Variants in SH3TC2 observed in about 807,000 individuals in gnomAD.
The protein encoded by SH3TC2 is SH3 domain and tetratricopeptide repeat-containing protein 2.
SH3TC2 carries 87 observed loss-of-function variants against 124.5 expected under a neutral mutation model. The ratio of observed to expected loss-of-function variants is 0.70; its 90% CI spans 0.59 to 0.84. The LOEUF is 0.84. SH3TC2 is among the 40% of genes least tolerant of loss of function. The probability of loss-of-function intolerance (pLI) is 0.00; values close to 1 mark genes in which losing one functional copy is unlikely to be tolerated. For missense variants in SH3TC2, 1,536 were observed against 1,566.4 expected (o/e 0.98, Z 0.33); for synonymous variants, 634 against 628.5 (o/e 1.01, Z -0.13).
At chr5:149,007,128 A>G (rs535370667) in intron 15 of SH3TC2, 51 bp from the exon 16 acceptor site, 25 of 1,563,826 alleles carry the variant, frequency 1.6e-5, no homozygotes, top group Admixed American at 1.3e-4. Context: ...ACTTTGCATC[A>G]TTTGTTCACT....
intron 8 of SH3TC2, among the ~76,000 whole-genome samples, chr5:149,032,090 A>T (rs1445423714): frequency 6.6e-6 from 1 of 152,218 alleles, no homozygotes; most frequent in Non-Finnish European, 1.5e-5. Context: ...ACCATTAAAA[A>T]TTTTATTTGT....
intron 8 of SH3TC2, among the ~76,000 whole-genome samples, chr5:149,036,687 T>C (rs1297978742): frequency 1.3e-5 from 2 of 152,134 alleles, no homozygotes; most frequent in Non-Finnish European, 2.9e-5. Flanking sequence ...TGTGGTAACA[T>C]GAAGGGGTGG....
rs778462757 is a variant in SH3TC2 at position 149,007,011 on chromosome 5, T to A, written c.3545A>T (p.Tyr1182Phe). The part of the protein sequence containing the change: ...LATVYYSLHM[Y>F]EMAEDCYLKT... The stretch of plus-strand genomic sequence containing the variant: ...CAGGTAGCAGTCCTCAGCCATCTCA[T>A]ACATGTGCAGGGAGTAGTACACTGT... The change falls in exon 16 of 17, where the codon TAT becomes TTT. Residue 1182 changes from tyrosine (Y) to phenylalanine (F), a missense_variant. Tyr to Phe is a conservative substitution (Grantham distance 22). Coordinates refer to ENST00000515425, the MANE Select transcript of SH3TC2 (RefSeq NM_024577.4). 1 of 1,614,198 alleles carries A rather than the reference T, an allele frequency of 6.2e-7. No homozygotes were observed. Among genetic ancestry groups the A allele is most frequent in the South Asian group, 1.1e-5 (1 of 91,086 alleles).
chr5:149,043,136 T>C (rs965271200), intron 4 of SH3TC2, among the ~76,000 whole-genome samples: 2 of 152,228 alleles, frequency 1.3e-5, no homozygotes, highest in Non-Finnish European at 2.9e-5. Context: ...CTTTTTCTAA[T>C]ACAGCCACGG....
In SH3TC2 at chr5:149,028,487, C is replaced by T. The variant is rs748870159; in HGVS notation, c.1245G>A (p.Gly415=). 4.4e-5 allele frequency: 71 copies of T among 1,613,144 alleles called. 1 individual carries two copies. In the South Asian group the frequency reaches 5.5e-4, roughly 12 times the overall value. Residue 415 remains glycine, a synonymous_variant, in exon 11 of 17, where the codon GGG becomes GGA. Coordinates refer to ENST00000515425, the MANE Select transcript of SH3TC2 (RefSeq NM_024577.4). ...GRAWEEHQAV[G]SRQSSSSEDS... ...CCTCAGAGCTGCTGGACTGTCTGGACCCCACGGCCTGATGCTCCTCCCAGG... is the reference window on the plus strand; with the variant it reads ...CCTCAGAGCTGCTGGACTGTCTGGATCCCACGGCCTGATGCTCCTCCCAGG...
Position 149,040,709 on chromosome 5 carries a change from A to G in SH3TC2, c.732-32T>C, listed in dbSNP as rs75793868. 2.0e-3 allele frequency: 3,109 copies of G among 1,588,438 alleles called. 58 individuals carry two copies. The African/African-American group carries it at 0.037, about 19-fold the overall frequency. On this transcript the variant is annotated intron_variant, in intron 6 of 16. Transcript: ENST00000515425. ...ATGAAAACATGGGGTTTGCAAACACAGATTTCAAAAAATTGCAACAATGAA... is the reference window on the plus strand; with the variant it reads ...ATGAAAACATGGGGTTTGCAAACACGGATTTCAAAAAATTGCAACAATGAA...
rs569538283 is a variant in SH3TC2 at position 148,996,454 on chromosome 5, C to T, written c.*8257G>A. On this transcript the variant is annotated 3_prime_UTR_variant, in exon 17 of 17. Transcript: ENST00000515425. ...GTTTGCTATCCTTTCCCTCCACCCACTACAGCCCCAAAGCTACATGTTCTA... is the reference window on the plus strand; with the variant it reads ...GTTTGCTATCCTTTCCCTCCACCCATTACAGCCCCAAAGCTACATGTTCTA... Among the ~76,000 whole-genome samples, 5 of 152,326 alleles carry T rather than the reference C, an allele frequency of 3.3e-5. No individual in the cohort carries two copies. In the South Asian group the frequency reaches 6.2e-4, roughly 19 times the overall value.
Position 148,987,559 on chromosome 5 carries a change from C to G in SH3TC2, c.*17152G>C. ...GTCTTGGGCATATTCCATAAGACTT[C>G]CACATATTTGGCTGGGTTTCTCACC... is the stretch of plus-strand genomic sequence containing the variant. On this transcript the variant is annotated 3_prime_UTR_variant, in exon 17 of 17. Coordinates refer to ENST00000515425, the MANE Select transcript of SH3TC2 (RefSeq NM_024577.4). 6.6e-6 allele frequency among the ~76,000 whole-genome samples: 1 copy of G among 152,214 alleles called. No homozygotes were observed. The highest frequency in any genetic ancestry group is 1.9e-4 in the East Asian group (1 of 5,196).
Position 148,999,636 on chromosome 5 carries a change from G to A in SH3TC2, c.*5075C>T, listed in dbSNP as rs1753564719. 6.6e-6 allele frequency among the ~76,000 whole-genome samples: 1 copy of A among 152,184 alleles called. No individual in the cohort carries two copies. The highest frequency in any genetic ancestry group is 1.5e-5 in the Non-Finnish European group (1 of 68,022). ...AAATATGGCAACTAAATCCAATGTG[G>A]GATCAGAAGAACATTAGTGGGGAAA... On this transcript the variant is annotated 3_prime_UTR_variant, in exon 17 of 17. Transcript: ENST00000515425.
chr5:149,016,249 C>T (rs1406483922), intron 12 of SH3TC2, among the ~76,000 whole-genome samples: 1 of 152,020 alleles, frequency 6.6e-6, no homozygotes, highest in Non-Finnish European at 1.5e-5. Flanking sequence ...AGTAATAAGC[C>T]CTGTTTAAAC....
At position 149,028,414 on chromosome 5, in the gene SH3TC2, G is replaced by A. The variant is rs768012192; in HGVS notation, c.1318C>T (p.Arg440Cys). The part of the protein sequence containing the change: ...ELLSATSDSY[R>C]LPEPDDLDDP... ...TCAAGGTCATCAGGCTCCGGCAGGC[G>A]ATAGCTGTCTGAGGTGGCCGAGAGG... Residue 440 changes from arginine (R) to cysteine (C), a missense_variant, in exon 11 of 17, where the codon CGC becomes TGC. Coordinates refer to ENST00000515425, the MANE Select transcript of SH3TC2 (RefSeq NM_024577.4). 59 of 1,613,834 alleles carry A rather than the reference G, an allele frequency of 3.7e-5. No homozygotes were observed. Among genetic ancestry groups the A allele is most frequent in the Non-Finnish European group, 4.7e-5 (55 of 1,179,986 alleles).
At chr5:149,042,621 T>C in intron 5 of SH3TC2, 73 bp downstream of exon 5, 2 of 1,586,254 alleles carry the variant, frequency 1.3e-6, no homozygotes, top group South Asian at 1.1e-5. Flanking sequence ...TCCCTTTGCA[T>C]CCTGCTTATT....
intron 12 of SH3TC2, among the ~76,000 whole-genome samples, chr5:149,016,349 G>T (rs2127394250): frequency 6.6e-6 from 1 of 152,280 alleles, no homozygotes; most frequent in Admixed American, 6.5e-5. Flanking sequence ...TAGCACTTGG[G>T]AAGACTTTTG....
At chr5:149,045,867 G>C (rs1012863081) in intron 3 of SH3TC2, 1 of 261,894 alleles carries the variant, frequency 3.8e-6, no homozygotes, top group Non-Finnish European at 7.7e-6. Flanking sequence ...GGATGGTCTC[G>C]ATCTCTTGAC....
rs1262851713 is a variant in SH3TC2, at chr5:149,027,640, T to C, written c.2092A>G (p.Ile698Val). 6.2e-7 allele frequency: 1 copy of C among 1,614,254 alleles called. No homozygotes were observed. Among genetic ancestry groups the C allele is most frequent in the Admixed American group, 1.7e-5 (1 of 60,032 alleles). Residue 698 changes from isoleucine (I) to valine (V), a missense_variant, in exon 11 of 17, where the codon ATC (isoleucine) becomes GTC (valine). Ile to Val is a conservative substitution (Grantham distance 29, BLOSUM62 3). Around this residue, in one of 3 missense-constraint regions of SH3TC2, gnomAD observed 1,102 missense variants for 1,098.6 expected, o/e 1.00. Transcript: ENST00000515425. ...AGAGACATCCCTTGGGCACTCTGGA[T>C]ACCATGTTGCTGGACAGAGGCCACT... ...LAVASVQQHGIQSAQGMSLPI... is the reference protein window; with the variant it reads ...LAVASVQQHGVQSAQGMSLPI...
At chr5:149,015,163 C>T (rs937843913) in intron 12 of SH3TC2, among the ~76,000 whole-genome samples, 1 of 152,178 alleles carries the variant, frequency 6.6e-6, no homozygotes, top group Non-Finnish European at 1.5e-5. Context: ...CTTACAGAGA[C>T]CTAGTGGCTC....
rs765587223 is a variant in SH3TC2 at position 149,012,779 on chromosome 5, C to T, written c.3054-45G>A. On this transcript the variant is annotated intron_variant, in intron 12 of 16. Coordinates refer to ENST00000515425, the MANE Select transcript of SH3TC2 (RefSeq NM_024577.4). The stretch of plus-strand genomic sequence containing the variant: ...TGTGAGGTGTGAAGGCTCAAAGGGG[C>T]CTTAGGGTCCACTCAGCACAGGATG... 8 of 1,609,262 alleles carry T rather than the reference C, an allele frequency of 5.0e-6. No homozygotes were observed. The African/African-American group carries it at 9.4e-5, about 19-fold the overall frequency.
chr5:149,029,762 G>C (rs951848690), intron 9 of SH3TC2, among the ~76,000 whole-genome samples: 2 of 152,144 alleles, frequency 1.3e-5, no homozygotes, highest in Non-Finnish European at 2.9e-5. Flanking sequence ...AAGACACCTT[G>C]GGTTTGGCAG....
Position 148,987,049 on chromosome 5 carries a change from A to G in SH3TC2, c.*17662T>C, listed in dbSNP as rs556308084. 4.1e-4 allele frequency among the ~76,000 whole-genome samples: 62 copies of G among 152,360 alleles called. No homozygotes were observed. Among genetic ancestry groups the G allele is most frequent in the Middle Eastern group, 6.8e-3 (2 of 294 alleles). On this transcript the variant is annotated 3_prime_UTR_variant, in exon 17 of 17. Coordinates refer to ENST00000515425, the MANE Select transcript of SH3TC2 (RefSeq NM_024577.4). ...CAGCTAATGTATTTCATGGTAGTTC[A>G]TTGTGCTTAATTCTCTAATCTGAAA...
Sources: gnomAD v4.1 joint callset for allele counts (sites outside exome capture counted in the v4.1 genomes callset) on GRCh38, gnomAD v4.1.1 for gene constraint, gnomAD v4.1.1 regional missense constraint, MANE v1.5 for transcripts, NCBI Gene and HGNC (gene_info 2026-07-23, HGNC 2026-07-21) for gene names.